ZBTB18: variants seen among roughly 807,000 people sequenced by gnomAD.
ZBTB18 encodes the protein zinc finger and BTB domain containing 18.
A neutral mutation model predicts 37.7 loss-of-function variants in ZBTB18; 2 were observed. That is an observed-to-expected ratio of 0.05 (90% CI 0.02 to 0.17). The LOEUF (loss-of-function observed/expected upper bound fraction) is 0.17, where lower values mean the gene tolerates loss of function less well. Ranked by LOEUF, ZBTB18 falls within the 10% of genes least tolerant of loss-of-function variation. The pLI is 1.00. For synonymous variants in ZBTB18, 304 were observed against 276.5 expected, an observed-to-expected ratio of 1.10 and a Z score of -0.99; for missense variants, 408 against 686.3, an observed-to-expected ratio of 0.59 and a Z score of 4.53.
At chr1:244,050,296 G>A (rs115135055), upstream of ZBTB18, among the ~76,000 whole-genome samples, 112 of 152,274 alleles carry the variant, frequency 7.4e-4, no homozygotes, top group African/African-American at 2.6e-3. Context: ...GCCCGGTACC[G>A]GTCAGCCCAG....
At position 244,053,359 on chromosome 1, in the gene ZBTB18, A is replaced by T. The variant is rs1252509950; in HGVS notation, c.14-429A>T. 6.6e-6 allele frequency among the ~76,000 whole-genome samples: 1 copy of T among 152,208 alleles called. No individual in the cohort carries two copies. The highest frequency in any genetic ancestry group is 2.4e-5 in the African/African-American group (1 of 41,454). On this transcript the variant is annotated intron_variant, in intron 1 of 1. Transcript: ENST00000358704. The surrounding 1 kb of genome is among the most constrained non-coding windows in gnomAD (Gnocchi z 5.2). ...TTGAACAAGTTTTCTTGTATGTTCC[A>T]GGATATGTTTGGGACTTTTCTTTGT...
In ZBTB18 at chr1:244,053,726, G is replaced by T; in HGVS notation, c.14-62G>T. On this transcript the variant is annotated intron_variant, in intron 1 of 1. Transcript: ENST00000358704. This position sits in a 1 kb window ranked among gnomAD's most constrained non-coding sequence, Gnocchi z 5.2. ...AAGCGGAATTAATTTTTTTATATGG[G>T]GACTGGAGCGCTGAAAAGTTGTTCC... is the stretch of plus-strand genomic sequence containing the variant. 1 of 1,543,432 alleles carries T rather than the reference G, an allele frequency of 6.5e-7. No homozygotes were observed. The highest frequency in any genetic ancestry group is 8.7e-7 in the Non-Finnish European group (1 of 1,147,592).
upstream of ZBTB18, among the ~76,000 whole-genome samples, chr1:244,049,828 G>A (rs1199900590): frequency 6.6e-6 from 1 of 151,902 alleles, no homozygotes; most frequent in Non-Finnish European, 1.5e-5. Flanking sequence ...CCGCGGTAGC[G>A]AGACGTGAAG....
In ZBTB18 at chr1:244,053,728, A is replaced by C; in HGVS notation, c.14-60A>C. On this transcript the variant is annotated intron_variant, in intron 1 of 1. Coordinates refer to ENST00000358704, the MANE Select transcript of ZBTB18 (RefSeq NM_205768.3). The surrounding 1 kb of genome is among the most constrained non-coding windows in gnomAD (Gnocchi z 5.2). Reference sequence around the variant, plus strand: ...GCGGAATTAATTTTTTTATATGGGGACTGGAGCGCTGAAAAGTTGTTCCTG... The same window carrying C: ...GCGGAATTAATTTTTTTATATGGGGCCTGGAGCGCTGAAAAGTTGTTCCTG... 1 of 1,546,198 alleles carries C rather than the reference A, an allele frequency of 6.5e-7. No homozygotes were observed. Among genetic ancestry groups the C allele is most frequent in the Non-Finnish European group, 8.7e-7 (1 of 1,148,932 alleles).
chr1:244,051,997 T>C (rs569682034), intron 1 of ZBTB18, among the ~76,000 whole-genome samples: 2 of 152,356 alleles, frequency 1.3e-5, no homozygotes, highest in South Asian at 2.1e-4. Context: ...ATAGTTTGAC[T>C]GGTTTCCTCA....
upstream of ZBTB18, among the ~76,000 whole-genome samples, chr1:244,049,557 C>G (rs1698307429): frequency 6.6e-6 from 1 of 152,060 alleles, no homozygotes; most frequent in Non-Finnish European, 1.5e-5. Context: ...CAACCACTCT[C>G]CTCCCGCTGG....
Position 244,055,378 on chromosome 1 carries a change from TA to T in ZBTB18, c.*9del. On this transcript the variant is annotated 3_prime_UTR_variant, in exon 2 of 2. Coordinates refer to ENST00000358704, the MANE Select transcript of ZBTB18 (RefSeq NM_205768.3). This position sits in a 1 kb window ranked among gnomAD's most constrained non-coding sequence, Gnocchi z 7.0. ...CAAGAACTTTGGAAATAATTTTATA[TA>T]TATATAAATAATATATATATATATA... 1.2e-6 allele frequency: 1 copy of T among 860,422 alleles called. No homozygotes were observed. Among genetic ancestry groups the T allele is most frequent in the South Asian group, 4.3e-5 (1 of 23,230 alleles). 53.3% of individuals were successfully genotyped at this position (860,422 alleles called of 1,614,324 possible).
Position 244,054,089 on chromosome 1 carries a change from C to T in ZBTB18, c.315C>T (p.Asp105=), listed in dbSNP as rs778212523. ...KLQFKDLPIE[D]VLAAASYLHM... ...AGTTCAAAGACTTGCCCATTGAAGA[C>T]GTGCTAGCAGCTGCCAGTTATCTCC... Residue 105 remains aspartate, a synonymous_variant, in exon 2 of 2, where the codon GAC becomes GAT. Coordinates refer to ENST00000358704, the MANE Select transcript of ZBTB18 (RefSeq NM_205768.3). The surrounding 1 kb of genome is among the most constrained non-coding windows in gnomAD (Gnocchi z 9.0). 73 of 1,613,976 alleles carry T rather than the reference C, an allele frequency of 4.5e-5. No homozygotes were observed. The highest frequency in any genetic ancestry group is 3.3e-4 in the Middle Eastern group (2 of 6,084).
At chr1:244,048,711 G>A (rs1024387213), upstream of ZBTB18, among the ~76,000 whole-genome samples, 3 of 146,602 alleles carry the variant, frequency 2.0e-5, no homozygotes, top group African/African-American at 7.5e-5. Flanking sequence ...TGTCTGGCAG[G>A]CTGCGGCCGC....
upstream of ZBTB18, among the ~76,000 whole-genome samples, chr1:244,048,632 C>CCT (rs1698281905): frequency 1.4e-5 from 2 of 142,684 alleles, no homozygotes; most frequent in Non-Finnish European, 1.6e-5. Context: ...GCGCCCGCCC[C>CCT]CCCCCCGCCC....
chr1:244,052,500 A>G (rs926660335), intron 1 of ZBTB18, among the ~76,000 whole-genome samples: 2 of 152,248 alleles, frequency 1.3e-5, no homozygotes, highest in East Asian at 1.9e-4. Flanking sequence ...AAGTGTATCT[A>G]TTCCCAAAAT....
At chr1:244,050,663 C>T (rs1473657914), upstream of ZBTB18, among the ~76,000 whole-genome samples, 1 of 152,016 alleles carries the variant, frequency 6.6e-6, no homozygotes, top group Non-Finnish European at 1.5e-5. Flanking sequence ...TTTGCATTGA[C>T]TGTGGCAGTG....
In ZBTB18 at chr1:244,055,011, G is replaced by A. The variant is rs140492097; in HGVS notation, c.1237G>A (p.Ala413Thr). 3.0e-4 allele frequency: 492 copies of A among 1,614,152 alleles called. No homozygotes were observed. Among genetic ancestry groups the A allele is most frequent in the Middle Eastern group, 2.0e-3 (12 of 6,062 alleles). Residue 413 changes from alanine to threonine, a missense_variant, in exon 2 of 2, where the codon GCC (alanine) becomes ACC (threonine). Coordinates refer to ENST00000358704, the MANE Select transcript of ZBTB18 (RefSeq NM_205768.3). The surrounding 1 kb of genome is among the most constrained non-coding windows in gnomAD (Gnocchi z 7.0). ...REQDGIRSKPAADVNVPTCSL... is the reference protein window; with the variant it reads ...REQDGIRSKPTADVNVPTCSL... The stretch of plus-strand genomic sequence containing the variant: ...GCAGGACGGCATCCGCAGCAAGCCC[G>A]CCGCCGATGTCAACGTGCCCACGTG...
rs1698493310 is a variant in ZBTB18, at chr1:244,057,253, G to T, written c.*1883G>T. ...TCTGTGAGAAAACGGACTTTCTTTT[G>T]GATTTTCTTTTTGTGGTCATTGTGA... On this transcript the variant is annotated 3_prime_UTR_variant, in exon 2 of 2. Transcript: ENST00000358704. The T allele has an allele frequency of 1.8e-5, 3 of 166,772 alleles. No individual in the cohort carries two copies. In the South Asian group the frequency reaches 6.2e-4, roughly 35 times the overall value. The allele number at this position is 166,772 out of a possible 1,614,324, so 10.3% of individuals were successfully genotyped here.
rs1698418940 is a variant in ZBTB18 at position 244,054,666 on chromosome 1, G to T, written c.892G>T (p.Asp298Tyr). The stretch of plus-strand genomic sequence containing the variant: ...TGATGAGAGTGATGTTGGCACTAAT[G>T]ACTATGACATGGAACATAGCACTGT... ...SCDESDVGTN[D>Y]YDMEHSTVKE... The change falls in exon 2 of 2, where the codon GAC becomes TAC. Residue 298 changes from aspartate (D) to tyrosine (Y), a missense_variant. Transcript: ENST00000358704. The surrounding 1 kb of genome is among the most constrained non-coding windows in gnomAD (Gnocchi z 9.0). 1 of 1,614,110 alleles carries T rather than the reference G, an allele frequency of 6.2e-7. No individual in the cohort carries two copies. Among genetic ancestry groups the T allele is most frequent in the African/African-American group, 1.3e-5 (1 of 74,930 alleles).
upstream of ZBTB18, among the ~76,000 whole-genome samples, chr1:244,049,576 TACG>T (rs1289611841): frequency 1.3e-5 from 2 of 152,132 alleles, no homozygotes; most frequent in African/African-American, 4.8e-5. Context: ...GGCTGCTTCT[TACG>T]ACTTTTCTTT....
Position 244,053,706 on chromosome 1 carries a change from G to A in ZBTB18, c.14-82G>A. ...GACATGTACCACGGCGGCCAAAGCG[G>A]AATTAATTTTTTTATATGGGGACTG... On this transcript the variant is annotated intron_variant, in intron 1 of 1. Coordinates refer to ENST00000358704, the MANE Select transcript of ZBTB18 (RefSeq NM_205768.3). This position sits in a 1 kb window ranked among gnomAD's most constrained non-coding sequence, Gnocchi z 5.2. 6.6e-7 allele frequency: 1 copy of A among 1,524,024 alleles called. No individual in the cohort carries two copies. Among genetic ancestry groups the A allele is most frequent in the Non-Finnish European group, 8.8e-7 (1 of 1,138,718 alleles). The allele number at this position is 1,524,024 out of a possible 1,614,324, so 94.4% of individuals were successfully genotyped here.
chr1:244,051,486 G>C, intron 1 of ZBTB18, 42 bp downstream of exon 1: 1 of 1,610,662 alleles, frequency 6.2e-7, no homozygotes, highest in Non-Finnish European at 8.5e-7. Context: ...TTTCTGTTTT[G>C]GTGTTTTGTT....
chr1:244,050,659 TTGAC>T (rs1436778699), upstream of ZBTB18, among the ~76,000 whole-genome samples: 1 of 152,154 alleles, frequency 6.6e-6, no homozygotes, highest in African/African-American at 2.4e-5. Flanking sequence ...GAAATTTGCA[TTGAC>T]TGTGGCAGTG....
Sources: allele counts gnomAD v4.1 joint callset (sites outside exome capture counted in the v4.1 genomes callset), GRCh38; gene constraint gnomAD v4.1.1; non-coding constraint Gnocchi (gnomAD v3.1); transcripts MANE v1.5; gene names NCBI Gene and HGNC (gene_info 2026-07-23, HGNC 2026-07-21).